Variants in CDK14 observed in about 807,000 individuals in gnomAD.
The protein encoded by CDK14 is cyclin-dependent kinase 14.
In CDK14, 34 loss-of-function variants were observed where a neutral mutation model predicts 60.7. That is an observed-to-expected ratio of 0.56 (90% confidence interval 0.43 to 0.75). The LOEUF is 0.75. Ranked by LOEUF, CDK14 falls within the 30% of genes least tolerant of loss-of-function variation. The probability of loss-of-function intolerance (pLI) is 0.00; values close to 1 mark genes in which losing one functional copy is unlikely to be tolerated. For synonymous variants in CDK14, 197 were observed against 203.7 expected, an observed-to-expected ratio of 0.97 and a Z score of 0.28; for missense variants, 482 against 564.1, an observed-to-expected ratio of 0.85 and a Z score of 1.47.
At chr7:90,688,999 C>G (rs984607485) in intron 2 of CDK14, among the ~76,000 whole-genome samples, 1 of 152,088 alleles carries the variant, frequency 6.6e-6, no homozygotes, top group African/African-American at 2.4e-5. Context: ...AAGAACAGTC[C>G]CTGGCCCTCC....
chr7:90,912,742 G>C (rs892055226), intron 7 of CDK14, among the ~76,000 whole-genome samples: 2 of 152,046 alleles, frequency 1.3e-5, no homozygotes, highest in Admixed American at 6.6e-5. Context: ...CAAGTAGCTA[G>C]GACTGCAGGC....
At chr7:90,722,067 T>G (rs1031013771) in intron 2 of CDK14, among the ~76,000 whole-genome samples, 4 of 152,046 alleles carry the variant, frequency 2.6e-5, no homozygotes, top group Admixed American at 1.3e-4. Flanking sequence ...TCTGGATACT[T>G]AAATTTATTC....
chr7:90,844,221 A>G (rs1303271220), intron 5 of CDK14, among the ~76,000 whole-genome samples: 1 of 152,208 alleles, frequency 6.6e-6, no homozygotes, highest in Non-Finnish European at 1.5e-5. Context: ...GTGGAAGTAC[A>G]GTTAGGATTG....
At position 91,209,271 on chromosome 7, in the gene CDK14, T is replaced by C. The variant is rs1048403235; in HGVS notation, c.*2135T>C. ...GTCGTAGGCAGCTTCTTCGGAGAAGTGAAATATAACATTACTCAGTGGACG... is the reference window on the plus strand; with the variant it reads ...GTCGTAGGCAGCTTCTTCGGAGAAGCGAAATATAACATTACTCAGTGGACG... On this transcript the variant is annotated 3_prime_UTR_variant, in exon 15 of 15. Coordinates refer to ENST00000380050, the MANE Select transcript of CDK14 (RefSeq NM_001287135.2). 1 of 152,188 alleles carries C rather than the reference T, an allele frequency of 6.6e-6. No homozygotes were observed. Among genetic ancestry groups the C allele is most frequent in the African/African-American group, 2.4e-5 (1 of 41,432 alleles). 9.4% of individuals were successfully genotyped at this position (152,188 alleles called of 1,614,324 possible).
chr7:91,141,533 A>G (rs1170951997), intron 14 of CDK14, among the ~76,000 whole-genome samples: 2 of 152,306 alleles, frequency 1.3e-5, no homozygotes, highest in East Asian at 1.9e-4. Flanking sequence ...TGGGATAAAC[A>G]AAGATTCAAA....
chr7:90,815,053 G>T (rs568154506), intron 5 of CDK14, among the ~76,000 whole-genome samples: 3 of 151,834 alleles, frequency 2.0e-5, no homozygotes, highest in South Asian at 2.1e-4. Flanking sequence ...GTTCATTTTT[G>T]TTGTTGTTGT....
At chr7:90,678,509 T>A (rs1801246185) in intron 2 of CDK14, among the ~76,000 whole-genome samples, 1 of 152,248 alleles carries the variant, frequency 6.6e-6, no homozygotes, top group African/African-American at 2.4e-5. Flanking sequence ...TCATTTTATA[T>A]CATCAGTGTT....
At chr7:91,012,903 C>T (rs1278540501) in intron 10 of CDK14, among the ~76,000 whole-genome samples, 2 of 152,066 alleles carry the variant, frequency 1.3e-5, no homozygotes, top group Admixed American at 6.6e-5. Context: ...TTTGAGAGGG[C>T]GTAACGTTAA....
chr7:90,833,210 T>C (rs1195405947), intron 5 of CDK14, among the ~76,000 whole-genome samples: 1 of 152,206 alleles, frequency 6.6e-6, no homozygotes, highest in East Asian at 1.9e-4. Flanking sequence ...TGATTGATAA[T>C]TGAAAACAAC....
intron 7 of CDK14, among the ~76,000 whole-genome samples, chr7:90,912,896 G>A (rs1792954505): frequency 6.6e-6 from 1 of 152,138 alleles, no homozygotes; most frequent in South Asian, 2.1e-4. Flanking sequence ...ACAGTTGTGA[G>A]CCACTGCCCC....
intron 11 of CDK14, among the ~76,000 whole-genome samples, chr7:91,064,748 A>G (rs951030450): frequency 8.5e-5 from 13 of 152,168 alleles, no homozygotes; most frequent in African/African-American, 1.4e-4. Flanking sequence ...GAGCTGCTCT[A>G]TCTTCCCCTT....
chr7:90,635,284 T>G (rs1279892743), intron 2 of CDK14, among the ~76,000 whole-genome samples: 1 of 152,264 alleles, frequency 6.6e-6, no homozygotes, highest in African/African-American at 2.4e-5. Flanking sequence ...ATGTAAGTCT[T>G]TAATCCATCT....
At chr7:90,664,663 A>C (rs1298669315) in intron 2 of CDK14, among the ~76,000 whole-genome samples, 5 of 152,122 alleles carry the variant, frequency 3.3e-5, no homozygotes, top group Non-Finnish European at 5.9e-5. Context: ...ACTGGAAACC[A>C]TCATTCTCAG....
intron 1 of CDK14, among the ~76,000 whole-genome samples, chr7:90,597,600 C>T (rs1799221167): frequency 6.6e-6 from 1 of 152,162 alleles, no homozygotes; most frequent in Non-Finnish European, 1.5e-5. Flanking sequence ...GCTATAGACA[C>T]AAAAGATAAC....
intron 3 of CDK14, among the ~76,000 whole-genome samples, chr7:90,744,645 C>G (rs1335833617): frequency 4.8e-5 from 7 of 146,882 alleles, no homozygotes; most frequent in African/African-American, 1.6e-4. Context: ...GGGGGCTGAC[C>G]CCCCCACCTC....
chr7:90,982,757 G>A (rs1795264526), intron 9 of CDK14, among the ~76,000 whole-genome samples: 1 of 152,040 alleles, frequency 6.6e-6, no homozygotes, highest in African/African-American at 2.4e-5. Context: ...TCTATTTAGA[G>A]TTCTTTCAGG....
intron 8 of CDK14, among the ~76,000 whole-genome samples, chr7:90,948,531 G>C (rs1409154142): frequency 6.6e-6 from 1 of 152,202 alleles, no homozygotes; most frequent in Non-Finnish European, 1.5e-5. Context: ...AGTTAACCTA[G>C]TCTGTCCCAG....
chr7:90,702,171 G>A (rs551497695), intron 2 of CDK14, among the ~76,000 whole-genome samples: 2 of 152,094 alleles, frequency 1.3e-5, no homozygotes, highest in African/African-American at 4.8e-5. Context: ...CAAACAATTC[G>A]GTTCTACTTC....
chr7:91,129,630 T>C (rs574534044), intron 14 of CDK14, among the ~76,000 whole-genome samples: 64 of 152,162 alleles, frequency 4.2e-4, no homozygotes, highest in African/African-American at 1.5e-3. Context: ...CTTGGGTATT[T>C]GGCAGACATC....
Sources: allele counts gnomAD v4.1 joint callset (sites outside exome capture counted in the v4.1 genomes callset), GRCh38; gene constraint gnomAD v4.1.1; transcripts MANE v1.5; gene names NCBI Gene and HGNC (gene_info 2026-07-23, HGNC 2026-07-21).